Variants in R3HDM1 observed in about 807,000 individuals in gnomAD.
R3HDM1 encodes the protein R3H domain containing 1.
In R3HDM1, 46 loss-of-function variants were observed where a neutral mutation model predicts 141.1. That is an observed-to-expected ratio of 0.33 (90% CI 0.26 to 0.42). The LOEUF (loss-of-function observed/expected upper bound fraction) is 0.42, where lower values mean the gene tolerates loss of function less well. R3HDM1 is among the 10% of genes least tolerant of loss of function. The pLI is 1.00. For missense variants in R3HDM1, 1,184 were observed against 1,368.3 expected (o/e 0.87, Z 2.12); for synonymous variants, 435 against 472.9 (o/e 0.92, Z 1.04).
intron 9 of R3HDM1, among the ~76,000 whole-genome samples, chr2:135,634,868 T>A (rs2063101926): frequency 6.6e-6 from 1 of 152,236 alleles, no homozygotes; most frequent in South Asian, 2.1e-4. Flanking sequence ...ATTCCAGTTT[T>A]ATAATAGAAT....
intron 21 of R3HDM1, among the ~76,000 whole-genome samples, chr2:135,698,104 G>A (rs1438436872): frequency 6.6e-6 from 1 of 150,408 alleles, no homozygotes; most frequent in Non-Finnish European, 1.5e-5. Context: ...GTAGGAGGGG[G>A]TTTTGATGTT....
chr2:135,690,582 G>A (rs534536807), intron 21 of R3HDM1, among the ~76,000 whole-genome samples: 1 of 152,214 alleles, frequency 6.6e-6, no homozygotes, highest in South Asian at 2.1e-4. Flanking sequence ...GTATGATTTT[G>A]TAGCACTAAC....
At chr2:135,641,276 T>G (rs1395208670) in intron 14 of R3HDM1, among the ~76,000 whole-genome samples, 1 of 152,180 alleles carries the variant, frequency 6.6e-6, no homozygotes, top group East Asian at 1.9e-4. Flanking sequence ...TTTGTGGCTG[T>G]CTGTGGCTGG....
At position 135,650,000 on chromosome 2, in the gene R3HDM1, T is replaced by C. The variant is rs1248741624; in HGVS notation, c.1722T>C (p.Ser574=). The change falls in exon 17 of 27, where the codon TCT becomes TCC. Residue 574 remains serine, a synonymous_variant. Transcript: ENST00000683871. ...FLPVSPTQQY[S]VQDNLGSQFS... ...CAGTCTCACCCACCCAGCAATACTC[T>C]GTGGTACTATATCTCTATTCACCTC... is the stretch of plus-strand genomic sequence containing the variant. 2 of 1,278,722 alleles carry C rather than the reference T, an allele frequency of 1.6e-6. No homozygotes were observed. The highest frequency in any genetic ancestry group is 1.3e-5 in the South Asian group (1 of 75,438). The allele number at this position is 1,278,722 out of a possible 1,614,324, so 79.2% of individuals were successfully genotyped here. A position where few individuals can be genotyped will look rare whatever the true frequency, so the allele number is the denominator to read the frequency against.
intron 3 of R3HDM1, among the ~76,000 whole-genome samples, chr2:135,606,957 A>T (rs1363053552): frequency 1.9e-5 from 2 of 103,054 alleles, no homozygotes; most frequent in East Asian, 5.4e-4. Context: ...TAAAGTAAAG[A>T]AACCTGGTTT....
At chr2:135,650,152 C>G in intron 17 of R3HDM1, 149 bp downstream of exon 17, 1 of 982,744 alleles carries the variant, frequency 1.0e-6, no homozygotes, top group Non-Finnish European at 1.2e-6. Context: ...CTAATTCATA[C>G]TAGAAATAAT....
rs1157676693 is a variant in R3HDM1, at chr2:135,628,814, G to A, written c.498-2904G>A. ...CTATTTTTGTATTTTTAGTAGAGAT[G>A]GGGGTTTCTCCGTGTTGGTCAGGCT... On this transcript the variant is annotated intron_variant, in intron 7 of 26. Coordinates refer to ENST00000683871, the MANE Select transcript of R3HDM1 (RefSeq NM_001378107.1). Among the ~76,000 whole-genome samples the A allele has an allele frequency of 1.1e-4, 17 of 151,848 alleles. No homozygotes were observed. The East Asian group carries it at 3.1e-3, about 28-fold the overall frequency.
intron 1 of R3HDM1, among the ~76,000 whole-genome samples, chr2:135,536,288 T>G (rs1334456033): frequency 6.6e-6 from 1 of 152,162 alleles, no homozygotes; most frequent in African/African-American, 2.4e-5. Context: ...TACAAACTTG[T>G]CACTAGGACT....
At chr2:135,560,936 T>C (rs1701689844) in intron 1 of R3HDM1, among the ~76,000 whole-genome samples, 1 of 152,158 alleles carries the variant, frequency 6.6e-6, no homozygotes, top group Non-Finnish European at 1.5e-5. Flanking sequence ...ATAATAAATA[T>C]AAATATAAAA....
chr2:135,594,456 C>A (rs535768899), intron 1 of R3HDM1, among the ~76,000 whole-genome samples: 9 of 152,092 alleles, frequency 5.9e-5, no homozygotes, highest in Admixed American at 5.9e-4. Flanking sequence ...ATTAGAGATA[C>A]CCCCAGTCTT....
At chr2:135,646,842 C>CAA (rs1189487483) in intron 16 of R3HDM1, among the ~76,000 whole-genome samples, 2 of 78,282 alleles carry the variant, frequency 2.6e-5, no homozygotes, top group Non-Finnish European at 5.0e-5. Context: ...GACTCCATCT[C>CAA]AAAAAAAAAA....
At chr2:135,629,411 C>A (rs2062406646) in intron 7 of R3HDM1, among the ~76,000 whole-genome samples, 1 of 152,050 alleles carries the variant, frequency 6.6e-6, no homozygotes, top group African/African-American at 2.4e-5. Context: ...AGTAAAAATT[C>A]TTCACCCTCC....
intron 1 of R3HDM1, among the ~76,000 whole-genome samples, chr2:135,546,131 A>T (rs1436741691): frequency 6.6e-6 from 1 of 152,198 alleles, no homozygotes; most frequent in Non-Finnish European, 1.5e-5. Flanking sequence ...TAGTGACAAG[A>T]GCGCATTCCT....
intron 19 of R3HDM1, chr2:135,669,587 C>A: frequency 1.0e-6 from 1 of 984,848 alleles, no homozygotes; most frequent in Non-Finnish European, 1.2e-6. Flanking sequence ...AATACTTTTT[C>A]TTCTTCAACA....
chr2:135,595,140 G>T (rs879422472), intron 1 of R3HDM1, among the ~76,000 whole-genome samples: 1 of 152,148 alleles, frequency 6.6e-6, no homozygotes, highest in African/African-American at 2.4e-5. Context: ...TTCTCCACCT[G>T]AATGTCCTGA....
At chr2:135,668,855 T>C (rs1444361142) in intron 19 of R3HDM1, among the ~76,000 whole-genome samples, 1 of 152,164 alleles carries the variant, frequency 6.6e-6, no homozygotes, top group Non-Finnish European at 1.5e-5. Flanking sequence ...TATAGACTCA[T>C]CTGGAATGTG....
At chr2:135,559,506 T>C (rs978648996) in intron 1 of R3HDM1, among the ~76,000 whole-genome samples, 1 of 152,202 alleles carries the variant, frequency 6.6e-6, no homozygotes, top group African/African-American at 2.4e-5. Flanking sequence ...ACCAGGTCCA[T>C]CCTGCATTTC....
intron 19 of R3HDM1, chr2:135,667,760 G>T (rs2067753931): frequency 1.0e-6 from 1 of 981,210 alleles, no homozygotes; most frequent in South Asian, 4.7e-5. Context: ...CTCTTTTCCA[G>T]ATCATTGGAT....
At chr2:135,709,293 T>C (rs916427888) in intron 21 of R3HDM1, 140 bp from the exon 22 acceptor site, 2 of 1,114,556 alleles carry the variant, frequency 1.8e-6, no homozygotes, top group African/African-American at 1.6e-5. Context: ...CAGGATGTTC[T>C]CGATCTCCTG....
Sources: gnomAD v4.1 joint callset for allele counts (sites outside exome capture counted in the v4.1 genomes callset) on GRCh38, gnomAD v4.1.1 for gene constraint, MANE v1.5 for transcripts, NCBI Gene and HGNC (gene_info 2026-07-23, HGNC 2026-07-21) for gene names.